The following IFFO2 variants were observed in gnomAD, a reference collection of about 807,000 sequenced individuals.
The protein encoded by IFFO2 is intermediate filament family orphan 2.
A neutral mutation model predicts 53.5 loss-of-function variants in IFFO2; 19 were observed. That is an observed-to-expected ratio of 0.36 (90% CI 0.25 to 0.52). IFFO2 has a LOEUF of 0.52. IFFO2 is among the 20% of genes least tolerant of loss of function. The probability of loss-of-function intolerance (pLI) is 0.94; values close to 1 mark genes in which losing one functional copy is unlikely to be tolerated. For synonymous variants in IFFO2, 303 were observed against 313.6 expected (o/e 0.97, Z 0.36); for missense variants, 570 against 727.4 (o/e 0.78, Z 2.49).
At chr1:18,935,216 T>C (rs1413317353) in intron 1 of IFFO2, among the ~76,000 whole-genome samples, 1 of 152,208 alleles carries the variant, frequency 6.6e-6, no homozygotes, top group Non-Finnish European at 1.5e-5. Context: ...CTATAAATAC[T>C]GTTCTTCCTC....
At position 18,956,167 on chromosome 1, in the gene IFFO2, G is replaced by C; in HGVS notation, c.166C>G (p.Leu56Val). The C allele has an allele frequency of 6.8e-7, 1 of 1,477,464 alleles. No individual in the cohort carries two copies. 91.5% of individuals were successfully genotyped at this position (1,477,464 alleles called of 1,614,324 possible). A position where few individuals can be genotyped will look rare whatever the true frequency, so the allele number is the denominator to read the frequency against. Residue 56 changes from leucine to valine, a missense_variant, in exon 1 of 9, where the codon CTC becomes GTC. By Grantham distance (32) the Leu-to-Val change is conservative (BLOSUM62 1). Coordinates refer to ENST00000455833, the MANE Select transcript of IFFO2 (RefSeq NM_001136265.2). This position sits in a 1 kb window ranked among gnomAD's most constrained non-coding sequence, Gnocchi z 6.4. ...AAGCGCACGTTGAGCCCCTTCAAGA[G>C]GTGGATGTTGGAGCCCAGGTCGTCC... ...LRDDLGSNIHLLKGLNVRFRC... is the reference protein window; with the variant it reads ...LRDDLGSNIHVLKGLNVRFRC...
chr1:18,948,859 C>T (rs1936623094), intron 1 of IFFO2, among the ~76,000 whole-genome samples: 1 of 152,230 alleles, frequency 6.6e-6, no homozygotes, highest in South Asian at 2.1e-4. Flanking sequence ...TCATTCTGAA[C>T]TTGACTGTTT....
chr1:18,926,379 G>A (rs1423092070), intron 1 of IFFO2, among the ~76,000 whole-genome samples: 1 of 152,180 alleles, frequency 6.6e-6, no homozygotes, highest in Non-Finnish European at 1.5e-5. Context: ...GCAGGCAGGA[G>A]AAGGAGAAAC....
At chr1:18,924,215 G>A (rs956680932) in intron 1 of IFFO2, among the ~76,000 whole-genome samples, 5 of 152,344 alleles carry the variant, frequency 3.3e-5, no homozygotes, top group East Asian at 3.9e-4. Flanking sequence ...CTGGCATGAA[G>A]GGCCAGGTGG....
chr1:18,944,051 G>T (rs1936555360), intron 1 of IFFO2, among the ~76,000 whole-genome samples: 1 of 152,200 alleles, frequency 6.6e-6, no homozygotes, highest in Admixed American at 6.5e-5. Context: ...GAGGGGACAG[G>T]GTGAAAATAC....
At chr1:18,949,488 G>C (rs546850484) in intron 1 of IFFO2, among the ~76,000 whole-genome samples, 4 of 152,338 alleles carry the variant, frequency 2.6e-5, no homozygotes, top group African/African-American at 7.2e-5. Flanking sequence ...TTCCCGTCCC[G>C]GGCCTTCAGC....
intron 1 of IFFO2, among the ~76,000 whole-genome samples, chr1:18,934,776 C>T (rs556105321): frequency 6.6e-6 from 1 of 152,162 alleles, no homozygotes; most frequent in African/African-American, 2.4e-5. Context: ...TTTTCAAATG[C>T]ATTTTTTCCA....
chr1:18,910,208 T>TGGAC, intron 8 of IFFO2, 134 bp downstream of exon 8: 1 of 1,001,554 alleles, frequency 1.0e-6, no homozygotes, highest in Non-Finnish European at 1.5e-6. Context: ...GATGGATGGA[T>TGGAC]GGATGGACGG....
intron 1 of IFFO2, among the ~76,000 whole-genome samples, chr1:18,940,738 A>G (rs1936509499): frequency 6.6e-6 from 1 of 152,156 alleles, no homozygotes; most frequent in South Asian, 2.1e-4. Flanking sequence ...CCCTGGAATC[A>G]CTTGCCAGTG....
intron 1 of IFFO2, among the ~76,000 whole-genome samples, chr1:18,940,609 A>ATG (rs764855334): frequency 6.6e-6 from 1 of 151,878 alleles, no homozygotes; most frequent in African/African-American, 2.4e-5. Flanking sequence ...GGATGGATGG[A>ATG]CAGACGGACG....
At chr1:18,929,176 G>A (rs1057472600) in intron 1 of IFFO2, among the ~76,000 whole-genome samples, 2 of 152,208 alleles carry the variant, frequency 1.3e-5, no homozygotes, top group African/African-American at 4.8e-5. Context: ...CTGAGGGCCT[G>A]CCTACCTCAA....
chr1:18,954,860 C>T (rs1257020642), intron 1 of IFFO2, among the ~76,000 whole-genome samples: 2 of 152,188 alleles, frequency 1.3e-5, no homozygotes, highest in African/African-American at 4.8e-5. Flanking sequence ...GTCCAGTCTC[C>T]AGCCCAACAT....
chr1:18,934,099 C>T (rs1201261768), intron 1 of IFFO2, among the ~76,000 whole-genome samples: 1 of 115,874 alleles, frequency 8.6e-6, no homozygotes, highest in Non-Finnish European at 1.7e-5. Context: ...CAGCGTCTCA[C>T]TCTGTTGCCC....
Position 18,917,073 on chromosome 1 carries a change from TG to T in IFFO2, c.964-32del, listed in dbSNP as rs1557640047. Reference sequence around the variant, plus strand: ...CCGGAAAGGAAGCAATCAAGGTAACTGGGGGGCTCGGCTAGGATGGAAGGTA... The same window carrying T: ...CCGGAAAGGAAGCAATCAAGGTAACTGGGGGCTCGGCTAGGATGGAAGGTA... On this transcript the variant is annotated intron_variant, in intron 4 of 8. Transcript: ENST00000455833. The surrounding 1 kb of genome is among the most constrained non-coding windows in gnomAD (Gnocchi z 5.9). 6.4e-7 allele frequency: 1 copy of T among 1,550,398 alleles called. No homozygotes were observed.
At chr1:18,951,056 G>C (rs1936653819) in intron 1 of IFFO2, among the ~76,000 whole-genome samples, 1 of 152,248 alleles carries the variant, frequency 6.6e-6, no homozygotes, top group African/African-American at 2.4e-5. Context: ...TCAGCACTGA[G>C]GGCCAGCCCC....
At chr1:18,931,740 T>C (rs1936377860) in intron 1 of IFFO2, among the ~76,000 whole-genome samples, 1 of 152,216 alleles carries the variant, frequency 6.6e-6, no homozygotes, top group Non-Finnish European at 1.5e-5. Context: ...TGAAATGACC[T>C]GTTCAAGGTC....
At chr1:18,949,551 G>A (rs4912111) in intron 1 of IFFO2, among the ~76,000 whole-genome samples, 118,866 of 152,222 alleles carry the variant, frequency 0.78, 47,895 homozygotes, top group East Asian at 0.94. Context: ...ACCTCTCAAT[G>A]CGATCAAAAG....
intron 1 of IFFO2, among the ~76,000 whole-genome samples, chr1:18,948,508 G>A (rs969394263): frequency 7.0e-4 from 107 of 152,336 alleles, no homozygotes; most frequent in African/African-American, 2.5e-3. Flanking sequence ...CAGGTTTACT[G>A]TTGGGTGAAA....
At chr1:18,938,938 C>G (rs1468227544) in intron 1 of IFFO2, among the ~76,000 whole-genome samples, 1 of 152,246 alleles carries the variant, frequency 6.6e-6, no homozygotes, top group Non-Finnish European at 1.5e-5. Flanking sequence ...GGCCGGGACA[C>G]CAGCTGGGAG....
Sources: allele counts gnomAD v4.1 joint callset (sites outside exome capture counted in the v4.1 genomes callset), GRCh38; gene constraint gnomAD v4.1.1; non-coding constraint Gnocchi (gnomAD v3.1); transcripts MANE v1.5; gene names NCBI Gene and HGNC (gene_info 2026-07-23, HGNC 2026-07-21).